ART4: variants seen among roughly 807,000 people sequenced by gnomAD.
ART4 encodes the protein ecto-ADP-ribosyltransferase 4.
In ART4, 14 loss-of-function variants were observed where a neutral mutation model predicts 24.2. That is an observed-to-expected ratio of 0.58 (90% CI 0.38 to 0.90). The LOEUF (loss-of-function observed/expected upper bound fraction) is 0.90, where lower values mean the gene tolerates loss of function less well. Ranked by LOEUF, ART4 falls within the 40% of genes least tolerant of loss-of-function variation. The probability of loss-of-function intolerance (pLI) is 0.00; values close to 1 mark genes in which losing one functional copy is unlikely to be tolerated. For missense variants in ART4, 356 were observed against 366.6 expected (o/e 0.97, Z 0.24); for synonymous variants, 145 against 139.9 (o/e 1.04, Z -0.26).
chr12:14,840,500 C>A lies in ART4; in HGVS notation c.798G>T (p.Trp266Cys). ...GGTTCCCAGTTGACCTCAACTGCAA[C>A]CAGTCTCCTCTTGGGTGGTAGCTCA... ...INMSYHPRGD[W>C]LQLRSTGNLS... The change falls in exon 2 of 3, where the codon TGG becomes TGT. Residue 266 changes from tryptophan to cysteine, a missense_variant. Physicochemically the swap from Trp to Cys is radical, Grantham distance 215. Transcript: ENST00000228936. 6.2e-7 allele frequency: 1 copy of A among 1,614,060 alleles called. No homozygotes were observed. The highest frequency in any genetic ancestry group is 8.5e-7 in the Non-Finnish European group (1 of 1,179,972).
In ART4 at chr12:14,826,488, C is replaced by G. The variant is rs1363884259; in HGVS notation, c.*2883G>C. 6.6e-6 allele frequency: 1 copy of G among 152,180 alleles called. No homozygotes were observed. Among genetic ancestry groups the G allele is most frequent in the African/African-American group, 2.4e-5 (1 of 41,444 alleles). 9.4% of individuals were successfully genotyped at this position (152,180 alleles called of 1,614,324 possible). ...ATTTCTGTAGTCTGTAGTCTGGGAT[C>G]AGGCCCTAAAATTCACATTTCTAAT... On this transcript the variant is annotated 3_prime_UTR_variant, in exon 3 of 3. Transcript: ENST00000228936.
intron 2 of ART4, among the ~76,000 whole-genome samples, chr12:14,838,526 A>G (rs1194079209): frequency 6.6e-6 from 1 of 152,118 alleles, no homozygotes; most frequent in Admixed American, 6.5e-5. Context: ...TGTTTTCTTC[A>G]TATTCTACTA....
intron 2 of ART4, among the ~76,000 whole-genome samples, chr12:14,829,861 C>T (rs1241336378): frequency 1.3e-5 from 2 of 152,200 alleles, no homozygotes; most frequent in African/African-American, 4.8e-5. Flanking sequence ...TATATATTAA[C>T]TTAAGCCTCA....
rs372943560 is a variant in ART4, at chr12:14,840,613, A to C, written c.685T>G (p.Phe229Val). 43 of 1,614,036 alleles carry C rather than the reference A, an allele frequency of 2.7e-5. No individual in the cohort carries two copies. Among genetic ancestry groups the C allele is most frequent in the Non-Finnish European group, 3.5e-5 (41 of 1,180,024 alleles). The change falls in exon 2 of 3, where the codon TTC (phenylalanine) becomes GTC (valine). Residue 229 changes from phenylalanine to valine, a missense_variant. By Grantham distance (50) the Phe-to-Val change is conservative (BLOSUM62 -1). Coordinates refer to ENST00000228936, the MANE Select transcript of ART4 (RefSeq NM_021071.4). ...EFGNQTLFTI[F>V]TCLGAPVQYF... ...TGTACAGGTGCACCCAGGCAGGTGA[A>C]TATGGTAAATAGTGTCTGGTTCCCA...
In ART4 at chr12:14,842,685, G is replaced by T. The variant is rs1863071291; in HGVS notation, c.144+285C>A. The stretch of plus-strand genomic sequence containing the variant: ...AAGCCAAATAGACTTGGTTTATTTT[G>T]CATTGTTTGTACTATGGAAGCAATA... On this transcript the variant is annotated intron_variant, in intron 1 of 2. Transcript: ENST00000228936. Among the ~76,000 whole-genome samples the T allele has an allele frequency of 2.0e-5, 3 of 152,154 alleles. No homozygotes were observed. In the South Asian group the frequency reaches 6.2e-4, roughly 31 times the overall value.
At chr12:14,829,989 A>G (rs1270144484) in intron 2 of ART4, among the ~76,000 whole-genome samples, 1 of 152,194 alleles carries the variant, frequency 6.6e-6, no homozygotes, top group Admixed American at 6.5e-5. Context: ...TATAGGCACC[A>G]TTCAAACTTG....
rs1249842819 is a variant in ART4 at position 14,828,323 on chromosome 12, A to G, written c.*1048T>C. 1 of 152,242 alleles carries G rather than the reference A, an allele frequency of 6.6e-6. No individual in the cohort carries two copies. Among genetic ancestry groups the G allele is most frequent in the Non-Finnish European group, 1.5e-5 (1 of 68,042 alleles). The allele number at this position is 152,242 out of a possible 1,614,324, so 9.4% of individuals were successfully genotyped here. ...CATCAAGTTCTCTATGAATTAACAT[A>G]TGAGTTTAAATTTTAACTTTTGTAA... On this transcript the variant is annotated 3_prime_UTR_variant, in exon 3 of 3. Transcript: ENST00000228936.
At position 14,843,042 on chromosome 12, in the gene ART4, G is replaced by T. The variant is rs750560135; in HGVS notation, c.72C>A (p.Ile24=). 6.2e-7 allele frequency: 1 copy of T among 1,614,188 alleles called. No homozygotes were observed. Among genetic ancestry groups the T allele is most frequent in the Admixed American group, 1.7e-5 (1 of 60,032 alleles). ...PTTVPPATMR[I]WLLGGLLPFL... ...ATGGCAGCAGGCCTCCAAGGAGCCA[G>T]ATTCTCATCGTTGCAGGAGGTACAG... is the stretch of plus-strand genomic sequence containing the variant. The change falls in exon 1 of 3, where the codon ATC becomes ATA. Residue 24 remains isoleucine (I), a synonymous_variant. Coordinates refer to ENST00000228936, the MANE Select transcript of ART4 (RefSeq NM_021071.4).
At chr12:14,830,014 A>G (rs1041422773) in intron 2 of ART4, among the ~76,000 whole-genome samples, 1 of 151,992 alleles carries the variant, frequency 6.6e-6, no homozygotes, top group African/African-American at 2.4e-5. Flanking sequence ...GTTTGTCTCA[A>G]TTCTGCATTC....
chr12:14,839,290 C>T (rs1165319005), intron 2 of ART4, among the ~76,000 whole-genome samples: 2 of 152,204 alleles, frequency 1.3e-5, no homozygotes, highest in Non-Finnish European at 2.9e-5. Context: ...ACACATCCTA[C>T]ACACCAGCCA....
At chr12:14,837,302 T>C (rs1016813299) in intron 2 of ART4, among the ~76,000 whole-genome samples, 1 of 152,152 alleles carries the variant, frequency 6.6e-6, no homozygotes, top group African/African-American at 2.4e-5. Context: ...TAGAATATCT[T>C]CCCTTCTTCA....
At chr12:14,836,906 T>C (rs1012188708) in intron 2 of ART4, among the ~76,000 whole-genome samples, 3 of 152,280 alleles carry the variant, frequency 2.0e-5, no homozygotes, top group South Asian at 4.1e-4. Flanking sequence ...TTGAGAACTT[T>C]AAACTTTTCA....
intron 2 of ART4, among the ~76,000 whole-genome samples, chr12:14,832,994 G>A (rs1950406509): frequency 6.6e-6 from 1 of 152,080 alleles, no homozygotes; most frequent in Non-Finnish European, 1.5e-5. Context: ...AGTTTTATTT[G>A]AGGATACCTC....
intron 2 of ART4, among the ~76,000 whole-genome samples, chr12:14,837,222 C>T (rs1382620840): frequency 6.6e-6 from 1 of 152,206 alleles, no homozygotes; most frequent in Non-Finnish European, 1.5e-5. Context: ...CGGTAACTCA[C>T]ATTGCAAGTG....
rs145213650 is a variant in ART4, at chr12:14,840,583, A to G, written c.715T>C (p.Phe239Leu). ...FTCLGAPVQY[F>L]SLKKEVLIPP... The stretch of plus-strand genomic sequence containing the variant: ...ATCAAGACTTCCTTCTTGAGGGAGA[A>G]GTACTGTACAGGTGCACCCAGGCAG... The change falls in exon 2 of 3, where the codon TTC becomes CTC. Residue 239 changes from phenylalanine to leucine, a missense_variant. Phe to Leu is a conservative substitution (Grantham distance 22). Transcript: ENST00000228936. The G allele has an allele frequency of 4.3e-6, 7 of 1,614,050 alleles. No individual in the cohort carries two copies. In the African/African-American group the frequency reaches 9.3e-5, roughly 22 times the overall value.
intron 1 of ART4, among the ~76,000 whole-genome samples, chr12:14,841,892 C>A (rs187626066): frequency 6.6e-6 from 1 of 152,236 alleles, no homozygotes; most frequent in Non-Finnish European, 1.5e-5. Flanking sequence ...GGCTAACTCC[C>A]AGGAGGATGA....
At chr12:14,830,537 G>GTGTGTT (rs1950387439) in intron 2 of ART4, among the ~76,000 whole-genome samples, 1 of 4,676 alleles carries the variant, frequency 2.1e-4, no homozygotes, top group Admixed American at 5.3e-3. Flanking sequence ...CTATATAGGA[G>GTGTGTT]TGTGTGTGTG....
chr12:14,841,732 G>GCAGT (rs1863054548), intron 1 of ART4, among the ~76,000 whole-genome samples: 1 of 152,210 alleles, frequency 6.6e-6, no homozygotes, highest in South Asian at 2.1e-4. Flanking sequence ...GCACGCTACA[G>GCAGT]CAGTCACATT....
chr12:14,839,410 C>T (rs1056146982), intron 2 of ART4, among the ~76,000 whole-genome samples: 1 of 152,118 alleles, frequency 6.6e-6, no homozygotes, highest in African/African-American at 2.4e-5. Flanking sequence ...TCACAGACTG[C>T]GTAATCTGTA....
Sources: gnomAD v4.1 joint callset for allele counts (sites outside exome capture counted in the v4.1 genomes callset) on GRCh38, gnomAD v4.1.1 for gene constraint, MANE v1.5 for transcripts, NCBI Gene and HGNC (gene_info 2026-07-23, HGNC 2026-07-21) for gene names.